The following MAP2K3 variants were observed in gnomAD, a reference collection of about 807,000 sequenced individuals.
MAP2K3 encodes the protein dual specificity mitogen-activated protein kinase kinase 3.
In MAP2K3, 30 loss-of-function variants were observed where a neutral mutation model predicts 46.4. The ratio of observed to expected loss-of-function variants is 0.65; its 90% CI spans 0.48 to 0.88. The LOEUF (loss-of-function observed/expected upper bound fraction) is 0.88, where lower values mean the gene tolerates loss of function less well. Among genes scored for constraint, MAP2K3 ranks in the 40% least tolerant of loss-of-function variants. MAP2K3 has a pLI of 0.00. For missense variants in MAP2K3, 380 were observed against 464.5 expected, an observed-to-expected ratio of 0.82 and a Z score of 1.67; for synonymous variants, 189 against 176.3, an observed-to-expected ratio of 1.07 and a Z score of -0.57.
chr17:21,297,532 C>G (rs1976326395), intron 1 of MAP2K3, among the ~76,000 whole-genome samples: 1 of 152,310 alleles, frequency 6.6e-6, no homozygotes. Flanking sequence ...CCTGGCATCT[C>G]TGATCCTTGC....
chr17:21,288,992 G>C (rs1209045715), intron 1 of MAP2K3, among the ~76,000 whole-genome samples: 3 of 152,256 alleles, frequency 2.0e-5, no homozygotes, highest in African/African-American at 7.2e-5. Flanking sequence ...ATTGAAGATA[G>C]CATTTGTTAA....
intron 1 of MAP2K3, among the ~76,000 whole-genome samples, chr17:21,286,834 TG>T (rs1051600904): frequency 6.6e-6 from 1 of 152,194 alleles, no homozygotes; most frequent in Non-Finnish European, 1.5e-5. Flanking sequence ...GGGGGCTGGA[TG>T]GAGGGTCAGG....
At chr17:21,289,339 G>C (rs1975816447) in intron 1 of MAP2K3, among the ~76,000 whole-genome samples, 2 of 152,168 alleles carry the variant, frequency 1.3e-5, no homozygotes, top group South Asian at 4.1e-4. Flanking sequence ...TGGGGAAGGT[G>C]GGGTGGGACT....
chr17:21,298,590 C>A, intron 2 of MAP2K3, 111 bp downstream of exon 2: 2 of 1,551,012 alleles, frequency 1.3e-6, no homozygotes, highest in Non-Finnish European at 1.8e-6. Flanking sequence ...CTCGTCCTGT[C>A]CTGGGCAGCC....
chr17:21,302,490 G>T (rs568177029), intron 6 of MAP2K3, among the ~76,000 whole-genome samples: 1 of 152,430 alleles, frequency 6.6e-6, no homozygotes, highest in African/African-American at 2.4e-5. Flanking sequence ...CCACAGATTT[G>T]GCAGATCCAG....
chr17:21,289,145 C>T (rs1020525694), intron 1 of MAP2K3, among the ~76,000 whole-genome samples: 1 of 152,316 alleles, frequency 6.6e-6, no homozygotes. Context: ...GGTCCTTTCA[C>T]GCAGGCCAGA....
intron 9 of MAP2K3, among the ~76,000 whole-genome samples, chr17:21,306,247 G>A (rs1199626416): frequency 6.6e-6 from 1 of 152,154 alleles, no homozygotes. Flanking sequence ...ACAAATTGGG[G>A]GTCCCCATGA....
At chr17:21,305,027 A>G in intron 8 of MAP2K3, 24 bp from the exon 9 acceptor site, 4 of 1,614,298 alleles carry the variant, frequency 2.5e-6, no homozygotes, top group African/African-American at 1.3e-5. Context: ...GCGGGTGTTC[A>G]CGCCTCACTC....
chr17:21,293,626 G>A (rs1976072307), intron 1 of MAP2K3, among the ~76,000 whole-genome samples: 2 of 152,306 alleles, frequency 1.3e-5, no homozygotes, highest in African/African-American at 4.8e-5. Flanking sequence ...GAGAGGTGGG[G>A]AGGGTGTGAG....
intron 10 of MAP2K3, among the ~76,000 whole-genome samples, chr17:21,312,899 T>C (rs78285136): frequency 1.4e-5 from 2 of 146,854 alleles, no homozygotes; most frequent in Non-Finnish European, 3.0e-5. Context: ...CCAGCATGGG[T>C]GACAGAGTGA....
At chr17:21,299,815 T>C (rs2144562521) in intron 3 of MAP2K3, among the ~76,000 whole-genome samples, 1 of 152,420 alleles carries the variant, frequency 6.6e-6, no homozygotes, top group Middle Eastern at 3.4e-3. Flanking sequence ...AAACCCTGTC[T>C]CTACTAAAAT....
In MAP2K3 at chr17:21,300,636, G is replaced by C. The variant is rs757705153; in HGVS notation, c.257G>C (p.Ser86Thr). The C allele has an allele frequency of 1.2e-6, 2 of 1,611,844 alleles. No individual in the cohort carries two copies. The highest frequency in any genetic ancestry group is 1.1e-5 in the South Asian group (1 of 90,572). The change falls in exon 4 of 12, where the codon AGC becomes ACC. Residue 86 changes from serine (S) to threonine (T), a missense_variant. By Grantham distance (58) the Ser-to-Thr change is moderately conservative. Transcript: ENST00000342679. ...GVVEKVRHAQ[S>T]GTIMAVKRIR... ...GTAGAGAAGGTGCGGCACGCCCAGA[G>C]CGGCACCATCATGGCCGTGAAGGTG...
intron 1 of MAP2K3, 47 bp from the exon 2 acceptor site, chr17:21,298,364 CAT>C: frequency 6.2e-7 from 1 of 1,612,146 alleles, no homozygotes; most frequent in South Asian, 1.1e-5. Context: ...GTGCAGGGGA[CAT>C]TGATGTCAAG....
chr17:21,286,442 A>G (rs1239779096), intron 1 of MAP2K3, among the ~76,000 whole-genome samples: 2 of 152,198 alleles, frequency 1.3e-5, no homozygotes, highest in Non-Finnish European at 2.9e-5. Flanking sequence ...GCTGGCTGCT[A>G]TGGTGGCTGG....
At chr17:21,292,733 T>G (rs1436106543) in intron 1 of MAP2K3, among the ~76,000 whole-genome samples, 3 of 152,306 alleles carry the variant, frequency 2.0e-5, no homozygotes, top group Non-Finnish European at 4.4e-5. Context: ...GTAATCCTTC[T>G]GCCTTGGCCT....
At chr17:21,305,778 C>G (rs963670209) in intron 9 of MAP2K3, among the ~76,000 whole-genome samples, 3 of 152,288 alleles carry the variant, frequency 2.0e-5, no homozygotes, top group African/African-American at 7.2e-5. Flanking sequence ...GGAAGACCAC[C>G]AGGATGTGTC....
intron 5 of MAP2K3, 52 bp from the exon 6 acceptor site, chr17:21,302,091 T>C: frequency 6.3e-7 from 1 of 1,577,566 alleles, no homozygotes; most frequent in South Asian, 1.1e-5. Flanking sequence ...GTGCAGGTGG[T>C]GCAGACACGG....
rs781026403 is a variant in MAP2K3 at position 21,312,252 on chromosome 17, C to T, written c.885C>T (p.Ser295=). Residue 295 remains serine (S), a synonymous_variant, in exon 10 of 12, where the codon TCC becomes TCT. Transcript: ENST00000342679. ...PSPQLPADRF[S]PEFVDFTAQC... ...CCCAGCTCCCAGCCGACCGTTTCTC[C>T]CCCGAGTTTGTGGACTTCACTGCTC... The T allele has an allele frequency of 1.2e-6, 2 of 1,601,182 alleles. No homozygotes were observed. Among genetic ancestry groups the T allele is most frequent in the Non-Finnish European group, 1.7e-6 (2 of 1,175,758 alleles).
At chr17:21,311,279 T>C (rs909559269) in intron 9 of MAP2K3, among the ~76,000 whole-genome samples, 1 of 152,126 alleles carries the variant, frequency 6.6e-6, no homozygotes, top group Non-Finnish European at 1.5e-5. Context: ...TCTCTGTTCT[T>C]CCAGGCCGGG....
Sources: allele counts gnomAD v4.1 joint callset (sites outside exome capture counted in the v4.1 genomes callset), GRCh38; gene constraint gnomAD v4.1.1; transcripts MANE v1.5; gene names NCBI Gene and HGNC (gene_info 2026-07-23, HGNC 2026-07-21).